Variants in SLC25A48 observed in about 807,000 individuals in gnomAD.
The protein encoded by SLC25A48 is CTC-321K16.1.
Under a neutral mutation model 32.2 loss-of-function variants are expected in SLC25A48, and 29 were observed. The ratio of observed to expected loss-of-function variants is 0.90; its 90% CI spans 0.67 to 1.23. The LOEUF is 1.23. Ranked by LOEUF, SLC25A48 falls within the 50% of genes most tolerant of loss-of-function variation. The pLI is 0.00. For synonymous variants in SLC25A48, 164 were observed against 172.3 expected (o/e 0.95, Z 0.38); for missense variants, 399 against 422.7 (o/e 0.94, Z 0.49).
chr5:135,643,164 T>C (rs1752880640), intron 3 of SLC25A48, among the ~76,000 whole-genome samples: 1 of 152,248 alleles, frequency 6.6e-6, no homozygotes, highest in African/African-American at 2.4e-5. Flanking sequence ...TGTATTGTTC[T>C]GAAGCAGGTT....
intron 3 of SLC25A48, among the ~76,000 whole-genome samples, chr5:135,810,634 A>T (rs2052123): frequency 6.6e-6 from 1 of 152,134 alleles, no homozygotes; most frequent in Admixed American, 6.5e-5. Context: ...GCTCTGCCAC[A>T]CACAGCATGT....
chr5:135,815,358 T>G (rs1757689187), intron 4 of SLC25A48, among the ~76,000 whole-genome samples: 1 of 152,328 alleles, frequency 6.6e-6, no homozygotes, highest in East Asian at 1.9e-4. Flanking sequence ...TGCCCCCCAC[T>G]GATCTGACGG....
At chr5:135,691,636 G>T (rs957803017) in intron 3 of SLC25A48, among the ~76,000 whole-genome samples, 2 of 152,166 alleles carry the variant, frequency 1.3e-5, no homozygotes, top group Non-Finnish European at 2.9e-5. Flanking sequence ...GGGACAAGTT[G>T]GATACTCTAT....
intron 3 of SLC25A48, among the ~76,000 whole-genome samples, chr5:135,697,346 T>C (rs566647147): frequency 2.6e-5 from 4 of 152,144 alleles, no homozygotes; most frequent in Non-Finnish European, 5.9e-5. Flanking sequence ...AGCTCAGCTC[T>C]GCTCAGCTCT....
intron 4 of SLC25A48, among the ~76,000 whole-genome samples, chr5:135,867,689 A>C (rs1039260636): frequency 6.6e-6 from 1 of 152,196 alleles, no homozygotes; most frequent in Non-Finnish European, 1.5e-5. Context: ...GTATTACTAT[A>C]AGTGCATCAT....
chr5:135,644,383 T>C (rs79338449), intron 3 of SLC25A48, among the ~76,000 whole-genome samples: 1,739 of 152,198 alleles, frequency 0.011, 45 homozygotes, highest in African/African-American at 0.04. Flanking sequence ...CATGAGGGTT[T>C]GGGGCAGTAA....
chr5:135,807,826 T>A (rs6871922), intron 3 of SLC25A48, among the ~76,000 whole-genome samples: 78,155 of 150,086 alleles, frequency 0.52, 21,953 homozygotes, highest in East Asian at 0.7. Flanking sequence ...CATAGTGTGT[T>A]AACACTGTGT....
At chr5:135,618,789 C>A (rs775779969) in intron 1 of SLC25A48, among the ~76,000 whole-genome samples, 2 of 151,834 alleles carry the variant, frequency 1.3e-5, no homozygotes, top group Non-Finnish European at 2.9e-5. Flanking sequence ...GTTGTAGTTT[C>A]TTTCTTTTAG....
intron 3 of SLC25A48, among the ~76,000 whole-genome samples, chr5:135,690,755 A>T (rs564329302): frequency 6.6e-6 from 1 of 152,300 alleles, no homozygotes; most frequent in East Asian, 1.9e-4. Context: ...CACCCAGCAG[A>T]TCAATTTTGA....
At chr5:135,846,133 C>T (rs1330566938) in intron 2 of SLC25A48, among the ~76,000 whole-genome samples, 1 of 152,182 alleles carries the variant, frequency 6.6e-6, no homozygotes, top group East Asian at 1.9e-4. Flanking sequence ...CTATTATGAA[C>T]TGCGCATGCG....
chr5:135,684,494 C>T (rs946179882), intron 3 of SLC25A48, among the ~76,000 whole-genome samples: 18 of 152,152 alleles, frequency 1.2e-4, no homozygotes, highest in African/African-American at 3.9e-4. Context: ...GAGGCCTCCA[C>T]CAGCTCTGTG....
chr5:135,887,520 C>T (rs184416753), intron 7 of SLC25A48, among the ~76,000 whole-genome samples: 1 of 152,110 alleles, frequency 6.6e-6, no homozygotes, highest in Admixed American at 6.5e-5. Context: ...ATATCCCTCG[C>T]CCAAAGGCTG....
Position 135,879,581 on chromosome 5 carries a change from G to C in SLC25A48, c.814-387G>C, listed in dbSNP as rs574161640. Among the ~76,000 whole-genome samples the C allele has an allele frequency of 2.9e-3, 405 of 141,758 alleles. 2 individuals carry two copies. Among genetic ancestry groups the C allele is most frequent in the African/African-American group, 0.012 (389 of 33,690 alleles). The allele number at this position is 141,758 out of a possible 152,430, so 93.0% of individuals were successfully genotyped here. A position where few individuals can be genotyped will look rare whatever the true frequency, so the allele number is the denominator to read the frequency against. On this transcript the variant is annotated intron_variant, in intron 6 of 7. Coordinates refer to ENST00000681962, the MANE Select transcript of SLC25A48 (RefSeq NM_001349336.2). The stretch of plus-strand genomic sequence containing the variant: ...GTCTACTCAGGGCTTCTAGATTCCC[G>C]AGGAGAGAGAGAGAGAGAGAGAGAG...
At chr5:135,723,255 C>T (rs184015890) in intron 3 of SLC25A48, among the ~76,000 whole-genome samples, 41 of 152,158 alleles carry the variant, frequency 2.7e-4, no homozygotes, top group African/African-American at 7.9e-4. Context: ...TTTTCATTGG[C>T]GAATCAATTC....
chr5:135,794,123 C>T (rs1757104800), intron 3 of SLC25A48, among the ~76,000 whole-genome samples: 1 of 151,742 alleles, frequency 6.6e-6, no homozygotes. Flanking sequence ...CAAGATATCC[C>T]AGGGGATGCA....
chr5:135,680,180 C>T (rs1753861890), intron 3 of SLC25A48, among the ~76,000 whole-genome samples: 1 of 152,192 alleles, frequency 6.6e-6, no homozygotes, highest in Non-Finnish European at 1.5e-5. Context: ...TATCTACTAA[C>T]TATCTTGGTT....
intron 3 of SLC25A48, among the ~76,000 whole-genome samples, chr5:135,664,745 G>A (rs965721240): frequency 2.6e-5 from 4 of 152,142 alleles, no homozygotes; most frequent in Non-Finnish European, 5.9e-5. Flanking sequence ...CTAAGTTGCT[G>A]CAAAAGACAT....
chr5:135,801,878 A>G (rs756524254), intron 3 of SLC25A48, among the ~76,000 whole-genome samples: 1 of 151,764 alleles, frequency 6.6e-6, no homozygotes, highest in Non-Finnish European at 1.5e-5. Context: ...ATTACTCGCA[A>G]TATTGCAAGA....
At chr5:135,685,525 C>T (rs1011173213) in intron 3 of SLC25A48, among the ~76,000 whole-genome samples, 9 of 151,080 alleles carry the variant, frequency 6.0e-5, no homozygotes, top group Admixed American at 4.6e-4. Flanking sequence ...CTCTGCCTTC[C>T]GGGTTCAAGC....
Sources: allele counts gnomAD v4.1 joint callset (sites outside exome capture counted in the v4.1 genomes callset), GRCh38; gene constraint gnomAD v4.1.1; transcripts MANE v1.5; gene names NCBI Gene and HGNC (gene_info 2026-07-23, HGNC 2026-07-21).